ADAM23: variants seen among roughly 807,000 people sequenced by gnomAD.
ADAM23 encodes disintegrin and metalloproteinase domain-containing protein 23.
In ADAM23, 33 loss-of-function variants were observed where a neutral mutation model predicts 120.1. That is an observed-to-expected ratio of 0.27 (90% confidence interval 0.21 to 0.37). The LOEUF (loss-of-function observed/expected upper bound fraction) is 0.37, where lower values mean the gene tolerates loss of function less well. Among genes scored for constraint, ADAM23 ranks in the 10% least tolerant of loss-of-function variants. The pLI is 1.00. For synonymous variants in ADAM23, 367 were observed against 375.2 expected, an observed-to-expected ratio of 0.98 and a Z score of 0.25; for missense variants, 862 against 1,058.2, an observed-to-expected ratio of 0.81 and a Z score of 2.57.
At chr2:206,576,267 G>T (rs1281390794) in intron 18 of ADAM23, among the ~76,000 whole-genome samples, 2 of 80,962 alleles carry the variant, frequency 2.5e-5, no homozygotes, top group East Asian at 5.7e-4. Flanking sequence ...ACCATATATG[G>T]TTTTAAAAAC....
chr2:206,508,247 T>C (rs1194879452), intron 3 of ADAM23, among the ~76,000 whole-genome samples: 2 of 152,096 alleles, frequency 1.3e-5, no homozygotes, highest in Admixed American at 6.5e-5. Flanking sequence ...GCCAGGATGG[T>C]CTTGATCTGA....
chr2:206,528,167 G>C (rs368804422), intron 3 of ADAM23, among the ~76,000 whole-genome samples: 1 of 152,140 alleles, frequency 6.6e-6, no homozygotes, highest in Non-Finnish European at 1.5e-5. Context: ...AGACACAGTT[G>C]GAATGTAGTT....
intron 18 of ADAM23, among the ~76,000 whole-genome samples, chr2:206,573,724 A>G (rs923873276): frequency 6.6e-6 from 1 of 152,216 alleles, no homozygotes; most frequent in African/African-American, 2.4e-5. Flanking sequence ...AGCTGTTGAA[A>G]AATAGCAACA....
At position 206,620,031 on chromosome 2, in the gene ADAM23, T is replaced by TG. The variant is rs1236211105; in HGVS notation, c.*2404_*2405insG. The TG allele has an allele frequency of 6.6e-6, 1 of 152,172 alleles. No homozygotes were observed. The highest frequency in any genetic ancestry group is 1.5e-5 in the Non-Finnish European group (1 of 68,038). The allele number at this position is 152,172 out of a possible 1,614,324, so 9.4% of individuals were successfully genotyped here. The stretch of plus-strand genomic sequence containing the variant: ...TTCCTGTTGCTGCATTGCTTAGTGT[T>TG]TCCTTGTTGCTGGGTCCTACTCTCT... On this transcript the variant is annotated 3_prime_UTR_variant, in exon 26 of 26. Coordinates refer to ENST00000264377, the MANE Select transcript of ADAM23 (RefSeq NM_003812.4).
Position 206,578,097 on chromosome 2 carries a change from A to G in ADAM23, c.1737+4902A>G, listed in dbSNP as rs1050569057. On this transcript the variant is annotated intron_variant, in intron 18 of 25. Transcript: ENST00000264377. ...ACATCACAAAAGTAAAATCTGATAA[A>G]TTAATTTTAGATCCTGATGTGCTTT... Among the ~76,000 whole-genome samples, 3 of 152,196 alleles carry G rather than the reference A, an allele frequency of 2.0e-5. No homozygotes were observed. In the East Asian group the frequency reaches 5.8e-4, roughly 29 times the overall value.
intron 3 of ADAM23, among the ~76,000 whole-genome samples, chr2:206,528,437 A>G (rs1696984344): frequency 6.6e-6 from 1 of 152,174 alleles, no homozygotes; most frequent in Non-Finnish European, 1.5e-5. Context: ...CCTTCAGTAC[A>G]CATTTGGTTT....
At chr2:206,471,963 G>T (rs1695668624) in intron 2 of ADAM23, among the ~76,000 whole-genome samples, 1 of 152,186 alleles carries the variant, frequency 6.6e-6, no homozygotes, top group Non-Finnish European at 1.5e-5. Context: ...TGCTCCAAAG[G>T]CTTGTAATTC....
At chr2:206,516,815 T>C (rs1696742601) in intron 3 of ADAM23, among the ~76,000 whole-genome samples, 1 of 152,046 alleles carries the variant, frequency 6.6e-6, no homozygotes, top group Admixed American at 6.6e-5. Flanking sequence ...TTCACGTACA[T>C]ATAATGCAAA....
intron 18 of ADAM23, among the ~76,000 whole-genome samples, chr2:206,584,649 T>C (rs1229947529): frequency 1.3e-5 from 2 of 152,126 alleles, no homozygotes; most frequent in African/African-American, 4.8e-5. Context: ...CGCCTAGTCC[T>C]GTCCTTACCC....
chr2:206,467,686 G>A (rs1652781253), intron 2 of ADAM23, among the ~76,000 whole-genome samples: 2 of 152,182 alleles, frequency 1.3e-5, no homozygotes, highest in African/African-American at 4.8e-5. Flanking sequence ...CCTTCTCACA[G>A]CTCAACTAGG....
At chr2:206,498,867 T>C (rs1696317889) in intron 3 of ADAM23, among the ~76,000 whole-genome samples, 1 of 152,150 alleles carries the variant, frequency 6.6e-6, no homozygotes, top group African/African-American at 2.4e-5. Flanking sequence ...CAAAAGAAGA[T>C]ATTTATGCAG....
chr2:206,578,260 G>T (rs1448188884), intron 18 of ADAM23, among the ~76,000 whole-genome samples: 2 of 152,024 alleles, frequency 1.3e-5, no homozygotes, highest in Admixed American at 6.6e-5. Context: ...ACATGAGTAG[G>T]TTCTTTAGTG....
intron 6 of ADAM23, among the ~76,000 whole-genome samples, chr2:206,547,218 C>T (rs962195549): frequency 3.2e-4 from 48 of 152,104 alleles, no homozygotes; most frequent in African/African-American, 1.1e-3. Flanking sequence ...ACCAGTAACA[C>T]TATGTTTTTA....
At chr2:206,508,165 GACT>G (rs1696536064) in intron 3 of ADAM23, among the ~76,000 whole-genome samples, 1 of 152,164 alleles carries the variant, frequency 6.6e-6, no homozygotes, top group East Asian at 1.9e-4. Context: ...GAGTAGCTGG[GACT>G]ACAGGCATCC....
chr2:206,612,142 C>T (rs1698838443), intron 25 of ADAM23, among the ~76,000 whole-genome samples: 1 of 152,214 alleles, frequency 6.6e-6, no homozygotes, highest in Non-Finnish European at 1.5e-5. Context: ...GAATGTGCTA[C>T]TCCTGGGTGA....
intron 25 of ADAM23, among the ~76,000 whole-genome samples, chr2:206,611,912 G>C (rs900439451): frequency 6.6e-6 from 1 of 152,188 alleles, no homozygotes; most frequent in South Asian, 2.1e-4. Flanking sequence ...ATGAGAAACA[G>C]CCTTTGCTGA....
At chr2:206,517,034 G>A (rs1273031640) in intron 3 of ADAM23, among the ~76,000 whole-genome samples, 2 of 152,042 alleles carry the variant, frequency 1.3e-5, no homozygotes, top group East Asian at 3.9e-4. Flanking sequence ...TAAAATAATA[G>A]TAAGCTTGCT....
At chr2:206,490,780 A>G (rs1696117356) in intron 3 of ADAM23, among the ~76,000 whole-genome samples, 1 of 151,876 alleles carries the variant, frequency 6.6e-6, no homozygotes, top group Non-Finnish European at 1.5e-5. Flanking sequence ...TTGTTGCCAT[A>G]TTTTCTCTGA....
chr2:206,453,927 G>T (rs1197520560), intron 2 of ADAM23, among the ~76,000 whole-genome samples: 3 of 152,194 alleles, frequency 2.0e-5, no homozygotes, highest in African/African-American at 7.2e-5. Flanking sequence ...CATGTGTATT[G>T]TGAAAGATGT....
Sources: allele counts gnomAD v4.1 joint callset (sites outside exome capture counted in the v4.1 genomes callset), GRCh38; gene constraint gnomAD v4.1.1; transcripts MANE v1.5; gene names NCBI Gene and HGNC (gene_info 2026-07-23, HGNC 2026-07-21).